SV2C: variants seen among roughly 807,000 people sequenced by gnomAD.
SV2C encodes the protein solute carrier family 22 member B3.
A neutral mutation model predicts 79.7 loss-of-function variants in SV2C; 49 were observed. That is an observed-to-expected ratio of 0.61 (90% CI 0.49 to 0.78). SV2C has a LOEUF of 0.78. Ranked by LOEUF, SV2C falls within the 30% of genes least tolerant of loss-of-function variation. The pLI is 0.00. For missense variants in SV2C, 833 were observed against 912.9 expected (o/e 0.91, Z 1.13); for synonymous variants, 334 against 333.2 (o/e 1.00, Z -0.03).
intron 12 of SV2C, among the ~76,000 whole-genome samples, chr5:76,323,138 C>T (rs1451714229): frequency 1.3e-5 from 2 of 152,192 alleles, no homozygotes; most frequent in Non-Finnish European, 2.9e-5. Flanking sequence ...ATCTACCCAT[C>T]TGACAAAGGT....
intron 12 of SV2C, among the ~76,000 whole-genome samples, chr5:76,352,587 A>T (rs165988): frequency 0.46 from 70,707 of 152,098 alleles, 17,129 homozygotes; most frequent in African/African-American, 0.57. Context: ...CCCTCACCAG[A>T]TGCTGGTCCC....
At chr5:76,301,301 T>A (rs1747988799) in intron 11 of SV2C, 85 bp from the exon 12 acceptor site, 2 of 1,546,254 alleles carry the variant, frequency 1.3e-6, no homozygotes, top group Non-Finnish European at 1.7e-6. Flanking sequence ...AATTCAGTTT[T>A]CTTGAGCAAT....
chr5:76,290,079 AAAAAG>A, intron 6 of SV2C, among the ~76,000 whole-genome samples: 1 of 148,556 alleles, frequency 6.7e-6, no homozygotes, highest in East Asian at 2.0e-4. Context: ...CCCATGATGT[AAAAAG>A]AAAAGAAAAA....
intron 4 of SV2C, among the ~76,000 whole-genome samples, chr5:76,240,139 TG>T (rs1189725721): frequency 6.6e-6 from 1 of 152,224 alleles, no homozygotes; most frequent in Non-Finnish European, 1.5e-5. Flanking sequence ...GCCTACTATT[TG>T]TTTTGGTGGC....
At chr5:75,966,089 A>G in the SV2C span, among the ~76,000 whole-genome samples, 1 of 152,214 alleles carries the variant, frequency 6.6e-6, no homozygotes, top group African/African-American at 2.4e-5. Flanking sequence ...TTTCAACATT[A>G]TTGATTAGCT....
At chr5:76,019,503 G>A in the SV2C span, among the ~76,000 whole-genome samples, 4 of 152,120 alleles carry the variant, frequency 2.6e-5, no homozygotes, top group East Asian at 1.9e-4. Context: ...ACCTTCAAAC[G>A]TGATGAGGGT....
chr5:76,038,109 G>C, the SV2C span, among the ~76,000 whole-genome samples: 52 of 152,324 alleles, frequency 3.4e-4, no homozygotes, highest in East Asian at 8.5e-3. Context: ...GCTCACGCAC[G>C]GTGCGTGCAC....
upstream of SV2C, among the ~76,000 whole-genome samples, chr5:76,080,397 C>T (rs760270046): frequency 6.6e-6 from 1 of 152,122 alleles, no homozygotes; most frequent in African/African-American, 2.4e-5. Flanking sequence ...TGTCTTCAGA[C>T]ATCTGCTGTG....
intron 2 of SV2C, among the ~76,000 whole-genome samples, chr5:76,139,856 A>AT (rs3079931): frequency 0.033 from 2,171 of 65,074 alleles, 103 homozygotes; most frequent in African/African-American, 0.083. Flanking sequence ...TCTTGAAAGT[A>AT]TTTTTTTTTT....
intron 4 of SV2C, among the ~76,000 whole-genome samples, chr5:76,265,681 A>C (rs1335683810): frequency 2.0e-5 from 3 of 152,040 alleles, no homozygotes; most frequent in Non-Finnish European, 4.4e-5. Flanking sequence ...GCTGGATAGC[A>C]CCATCCCTCA....
At chr5:75,918,587 C>T in the SV2C span, among the ~76,000 whole-genome samples, 1 of 152,224 alleles carries the variant, frequency 6.6e-6, no homozygotes. Context: ...TGGCCCATGC[C>T]GCTTGTGTGT....
intron 4 of SV2C, among the ~76,000 whole-genome samples, chr5:76,272,083 C>A (rs769159467): frequency 2.0e-5 from 3 of 152,070 alleles, no homozygotes; most frequent in Non-Finnish European, 4.4e-5. Flanking sequence ...TGTTCTGGAT[C>A]AGAGACTATA....
the SV2C span, among the ~76,000 whole-genome samples, chr5:75,936,730 T>G: frequency 6.6e-6 from 1 of 152,258 alleles, no homozygotes; most frequent in Non-Finnish European, 1.5e-5. Context: ...TTCATTTTGC[T>G]TTATACCTTA....
chr5:75,956,089 A>G, the SV2C span, among the ~76,000 whole-genome samples: 1 of 142,564 alleles, frequency 7.0e-6, no homozygotes, highest in Non-Finnish European at 1.5e-5. Context: ...ATAAAGACAC[A>G]TGCACACGTA....
At chr5:75,930,675 C>T in the SV2C span, among the ~76,000 whole-genome samples, 3 of 152,126 alleles carry the variant, frequency 2.0e-5, no homozygotes, top group East Asian at 1.9e-4. Context: ...AATCCATGGA[C>T]GTGAGCACTG....
intron 2 of SV2C, among the ~76,000 whole-genome samples, chr5:76,132,850 G>T (rs989122821): frequency 6.6e-6 from 1 of 151,824 alleles, no homozygotes; most frequent in African/African-American, 2.4e-5. Flanking sequence ...GTGTATGTTT[G>T]CTTAGATTTT....
At chr5:76,339,404 T>A (rs1749393724) in intron 12 of SV2C, among the ~76,000 whole-genome samples, 1 of 152,194 alleles carries the variant, frequency 6.6e-6, no homozygotes, top group Non-Finnish European at 1.5e-5. Context: ...TAGTAATAGT[T>A]GTTTGGTTTT....
At chr5:76,273,262 C>T (rs1489935345) in intron 4 of SV2C, among the ~76,000 whole-genome samples, 1 of 149,804 alleles carries the variant, frequency 6.7e-6, no homozygotes, top group South Asian at 2.1e-4. Flanking sequence ...AAAGAAAATC[C>T]CAAAGGACCT....
chr5:76,286,014 G>T, intron 6 of SV2C, 144 bp downstream of exon 6: 4 of 622,292 alleles, frequency 6.4e-6, no homozygotes, highest in Non-Finnish European at 1.1e-5. Flanking sequence ...TGCAAAAGCA[G>T]CCATAGGCAA....
Sources: allele counts gnomAD v4.1 joint callset (sites outside exome capture counted in the v4.1 genomes callset), GRCh38; gene constraint gnomAD v4.1.1; transcripts MANE v1.5; gene names NCBI Gene and HGNC (gene_info 2026-07-23, HGNC 2026-07-21).